RBL1: variants seen among roughly 807,000 people sequenced by gnomAD.
RBL1 encodes the protein retinoblastoma-like protein 1.
Under a neutral mutation model 123.0 loss-of-function variants are expected in RBL1, and 82 were observed. That is an observed-to-expected ratio of 0.67 (90% confidence interval 0.56 to 0.80). RBL1 has a LOEUF of 0.80. Ranked by LOEUF, RBL1 falls within the 30% of genes least tolerant of loss-of-function variation. The pLI is 0.00. For synonymous variants in RBL1, 405 were observed against 441.3 expected, an observed-to-expected ratio of 0.92 and a Z score of 1.03; for missense variants, 1,171 against 1,299.6, an observed-to-expected ratio of 0.90 and a Z score of 1.52.
At chr20:37,092,314 T>C (rs1435778199) in intron 1 of RBL1, among the ~76,000 whole-genome samples, 1 of 152,218 alleles carries the variant, frequency 6.6e-6, no homozygotes, top group East Asian at 1.9e-4. Context: ...TCGATTTTTT[T>C]AAAGACATTA....
At chr20:37,043,186 A>ACC (rs1380494373) in intron 13 of RBL1, among the ~76,000 whole-genome samples, 1 of 151,026 alleles carries the variant, frequency 6.6e-6, no homozygotes, top group South Asian at 2.1e-4. Flanking sequence ...ACACACACAC[A>ACC]ATTAGCCGGG....
intron 16 of RBL1, among the ~76,000 whole-genome samples, chr20:37,031,703 G>A (rs890322875): frequency 1.3e-5 from 2 of 152,132 alleles, no homozygotes; most frequent in Non-Finnish European, 1.5e-5. Flanking sequence ...TATACCCAAA[G>A]GAATTGAAAG....
chr20:37,062,122 C>T lies in RBL1; in HGVS notation c.1045G>A (p.Ala349Thr). Reference sequence around the variant, plus strand: ...TGTTGAAGGTTATACTCCACATTAGCCTGTGCTGTCAGTTTCCCTAATGGG... The same window carrying T: ...TGTTGAAGGTTATACTCCACATTAGTCTGTGCTGTCAGTTTCCCTAATGGG... The part of the protein sequence containing the change: ...DTPLGKLTAQ[A>T]NVEYNLQQHF... The change falls in exon 8 of 22, where the codon GCT becomes ACT. Residue 349 changes from alanine to threonine, a missense_variant. Ala to Thr is a moderately conservative substitution (Grantham distance 58). Coordinates refer to ENST00000373664, the MANE Select transcript of RBL1 (RefSeq NM_002895.5). The T allele has an allele frequency of 6.2e-7, 1 of 1,614,110 alleles. No homozygotes were observed. The highest frequency in any genetic ancestry group is 8.5e-7 in the Non-Finnish European group (1 of 1,180,012).
At chr20:37,054,599 G>A (rs756408144) in intron 11 of RBL1, among the ~76,000 whole-genome samples, 77 of 152,086 alleles carry the variant, frequency 5.1e-4, no homozygotes, top group Non-Finnish European at 8.4e-4. Flanking sequence ...TGAGGCTGAG[G>A]TGGGCAGATC....
At chr20:37,095,744 G>A in intron 1 of RBL1, 29 bp downstream of exon 1, 2 of 1,555,826 alleles carry the variant, frequency 1.3e-6, no homozygotes, top group South Asian at 2.4e-5. Context: ...CGAGGGTAGG[G>A]TCCGGCCGCC....
intron 9 of RBL1, among the ~76,000 whole-genome samples, chr20:37,059,291 G>A (rs1188739575): frequency 1.3e-5 from 2 of 152,210 alleles, no homozygotes; most frequent in Non-Finnish European, 2.9e-5. Context: ...TATCCTGAAG[G>A]TTTGAGGAAT....
At chr20:37,008,827 C>T (rs1302366135) in intron 19 of RBL1, among the ~76,000 whole-genome samples, 12 of 139,986 alleles carry the variant, frequency 8.6e-5, no homozygotes, top group Non-Finnish European at 1.5e-4. Context: ...TCTAAAGGAT[C>T]TTGACGAGGG....
At chr20:37,037,466 A>C (rs1001598337) in intron 14 of RBL1, among the ~76,000 whole-genome samples, 1 of 152,244 alleles carries the variant, frequency 6.6e-6, no homozygotes, top group Non-Finnish European at 1.5e-5. Context: ...GTTTTTAAAA[A>C]AGAAAATAAT....
At chr20:37,070,871 T>C (rs1029680371) in intron 2 of RBL1, among the ~76,000 whole-genome samples, 4 of 151,982 alleles carry the variant, frequency 2.6e-5, no homozygotes, top group Admixed American at 1.3e-4. Context: ...TAATTAAAGG[T>C]CTAGCAATAT....
At chr20:37,016,201 TA>T (rs2064250552) in intron 19 of RBL1, among the ~76,000 whole-genome samples, 1 of 151,884 alleles carries the variant, frequency 6.6e-6, no homozygotes, top group African/African-American at 2.4e-5. Flanking sequence ...CTAATTTTTG[TA>T]TTTTTAGTAG....
chr20:37,011,877 C>T (rs1277905750), intron 19 of RBL1, among the ~76,000 whole-genome samples: 9 of 152,170 alleles, frequency 5.9e-5, no homozygotes, highest in Non-Finnish European at 8.8e-5. Flanking sequence ...ACTCCCTCTC[C>T]CCACGGTCTC....
rs1356100785 is a variant in RBL1, at chr20:37,067,003, TG to T, written c.674del (p.Pro225HisfsTer37). The T allele has an allele frequency of 6.2e-7, 1 of 1,607,422 alleles. No homozygotes were observed. Among genetic ancestry groups the T allele is most frequent in the Non-Finnish European group, 8.5e-7 (1 of 1,176,158 alleles). On this transcript the variant is annotated frameshift_variant, in exon 5 of 22. Coordinates refer to ENST00000373664, the MANE Select transcript of RBL1 (RefSeq NM_002895.5). LOFTEE classifies it high-confidence loss of function. ...MCPNRQDLLN[P>X]SFKGLPSDFH... ...AATAAAAGGTCTTACCTTTAAATGA[TG>T]GATTTAGCAAGTCTTGTCTATTTGG...
chr20:37,023,717 T>C (rs1019458722), intron 16 of RBL1, among the ~76,000 whole-genome samples: 4 of 152,104 alleles, frequency 2.6e-5, no homozygotes, highest in Admixed American at 6.6e-5. Flanking sequence ...ATTGTTTTTT[T>C]ATTTTAAGAC....
chr20:37,040,414 C>G, intron 13 of RBL1, 129 bp from the exon 14 acceptor site: 1 of 1,355,134 alleles, frequency 7.4e-7, no homozygotes. Flanking sequence ...TGCAGTGGCA[C>G]GATTTCAGCT....
intron 14 of RBL1, among the ~76,000 whole-genome samples, chr20:37,037,943 C>G (rs2064648986): frequency 6.6e-6 from 1 of 151,488 alleles, no homozygotes; most frequent in Non-Finnish European, 1.5e-5. Context: ...CCTCGGCCTC[C>G]CAAAGTGCTA....
In RBL1 at chr20:37,047,219, T is replaced by C. The variant is rs757702195; in HGVS notation, c.1468-29A>G. Reference sequence around the variant, plus strand: ...GGGGAAGAGAAAGACCACAGTTTAATATTTTTCAGCAATTTCAGTCTTTGC... The same window carrying C: ...GGGGAAGAGAAAGACCACAGTTTAACATTTTTCAGCAATTTCAGTCTTTGC... On this transcript the variant is annotated intron_variant, in intron 11 of 21. Transcript: ENST00000373664. 1.9e-6 allele frequency: 3 copies of C among 1,564,488 alleles called. No homozygotes were observed. The Admixed American group carries it at 7.0e-5, about 36-fold the overall frequency.
chr20:37,003,665 T>G (rs759289898), intron 21 of RBL1, 37 bp downstream of exon 21: 6 of 1,546,772 alleles, frequency 3.9e-6, no homozygotes, highest in Admixed American at 2.0e-5. Context: ...TTACTGACTG[T>G]TAATCTGAAA....
chr20:37,088,240 G>A (rs145028721), intron 2 of RBL1, among the ~76,000 whole-genome samples: 2,158 of 150,554 alleles, frequency 0.014, 21 homozygotes, highest in Non-Finnish European at 0.023. Flanking sequence ...ACTCTAGCCT[G>A]GGCAACAAGA....
intron 12 of RBL1, among the ~76,000 whole-genome samples, chr20:37,044,513 GT>G (rs1273230383): frequency 6.6e-6 from 1 of 151,808 alleles, no homozygotes; most frequent in Non-Finnish European, 1.5e-5. Flanking sequence ...AATTTTTGTA[GT>G]TTTTAGTAGA....
Sources: gnomAD v4.1 joint callset for allele counts (sites outside exome capture counted in the v4.1 genomes callset) on GRCh38, gnomAD v4.1.1 for gene constraint, MANE v1.5 for transcripts, NCBI Gene and HGNC (gene_info 2026-07-23, HGNC 2026-07-21) for gene names.